ADAMTSL1: variants seen among roughly 807,000 people sequenced by gnomAD.
ADAMTSL1 encodes ADAMTS-like protein 1.
In ADAMTSL1, 126 loss-of-function variants were observed where a neutral mutation model predicts 201.8. The observed-to-expected ratio is 0.62, with a 90% CI of 0.54 to 0.72. The LOEUF is 0.72. ADAMTSL1 is among the 30% of genes least tolerant of loss of function. ADAMTSL1 has a pLI of 0.00. For synonymous variants in ADAMTSL1, 1,121 were observed against 903.4 expected (o/e 1.24, Z -4.32); for missense variants, 2,679 against 2,277.8 (o/e 1.18, Z -3.59).
chr9:18,266,583 CTATT>C (rs2132555710), intron 2 of ADAMTSL1, among the ~76,000 whole-genome samples: 1 of 152,262 alleles, frequency 6.6e-6, no homozygotes, highest in African/African-American at 2.4e-5. Context: ...ATCAAAAGTT[CTATT>C]TGTTTGTTGA....
At chr9:18,651,992 C>G (rs1319925107) in intron 7 of ADAMTSL1, among the ~76,000 whole-genome samples, 1 of 151,868 alleles carries the variant, frequency 6.6e-6, no homozygotes. Context: ...TCTTCCCTCT[C>G]CTAGCTTATA....
chr9:18,074,640 G>A (rs1823132268), intron 1 of ADAMTSL1, among the ~76,000 whole-genome samples: 1 of 151,012 alleles, frequency 6.6e-6, no homozygotes, highest in African/African-American at 2.4e-5. Context: ...ACTCAGGCTG[G>A]AGTGCAATGG....
intron 9 of ADAMTSL1, among the ~76,000 whole-genome samples, chr9:18,670,576 A>G (rs1829750569): frequency 6.6e-6 from 1 of 152,128 alleles, no homozygotes; most frequent in Non-Finnish European, 1.5e-5. Flanking sequence ...GCAGTTTGGG[A>G]GTTTCTTTCC....
At chr9:18,645,933 T>C (rs990242632) in intron 7 of ADAMTSL1, among the ~76,000 whole-genome samples, 2 of 150,212 alleles carry the variant, frequency 1.3e-5, no homozygotes, top group African/African-American at 2.5e-5. Flanking sequence ...AAGAAAGTCA[T>C]TGGTAGCTTG....
At chr9:18,180,151 C>G (rs1208514494) in intron 2 of ADAMTSL1, among the ~76,000 whole-genome samples, 1 of 152,110 alleles carries the variant, frequency 6.6e-6, no homozygotes, top group African/African-American at 2.4e-5. Flanking sequence ...CAGAGACACA[C>G]ATAGGCTCAA....
At chr9:18,757,999 C>T (rs1003624761) in intron 16 of ADAMTSL1, among the ~76,000 whole-genome samples, 1 of 152,186 alleles carries the variant, frequency 6.6e-6, no homozygotes, top group East Asian at 1.9e-4. Context: ...TCCTCACTAT[C>T]CTATGTGATA....
intron 23 of ADAMTSL1, among the ~76,000 whole-genome samples, chr9:18,836,136 A>C (rs951764276): frequency 6.6e-6 from 1 of 152,154 alleles, no homozygotes; most frequent in Non-Finnish European, 1.5e-5. Context: ...GTATAAAAGC[A>C]TTCCCTTTTC....
intron 1 of ADAMTSL1, among the ~76,000 whole-genome samples, chr9:18,138,463 T>A (rs1346551746): frequency 6.6e-6 from 1 of 152,174 alleles, no homozygotes; most frequent in Admixed American, 6.5e-5. Flanking sequence ...ACCTGCAAAT[T>A]TGCTGAATTT....
intron 1 of ADAMTSL1, among the ~76,000 whole-genome samples, chr9:17,943,709 A>G (rs1188620882): frequency 1.3e-5 from 2 of 152,094 alleles, no homozygotes; most frequent in African/African-American, 4.8e-5. Flanking sequence ...GCTATTTTAC[A>G]TTAAATTCTA....
At chr9:17,984,642 T>C (rs1818850395) in intron 1 of ADAMTSL1, among the ~76,000 whole-genome samples, 1 of 152,146 alleles carries the variant, frequency 6.6e-6, no homozygotes, top group Non-Finnish European at 1.5e-5. Flanking sequence ...GGAAACTCCT[T>C]AGTCCGAGTT....
intron 1 of ADAMTSL1, among the ~76,000 whole-genome samples, chr9:17,943,084 G>C (rs1374570735): frequency 6.6e-6 from 1 of 151,942 alleles, no homozygotes; most frequent in Non-Finnish European, 1.5e-5. Context: ...ACTATGCCAG[G>C]CTAATTTCTT....
intron 15 of ADAMTSL1, among the ~76,000 whole-genome samples, chr9:18,747,216 G>T (rs1307282125): frequency 2.0e-5 from 3 of 152,178 alleles, no homozygotes; most frequent in African/African-American, 7.2e-5. Context: ...TTTACGAGCT[G>T]TGTGACTTTG....
At chr9:18,658,220 C>G (rs1413577392) in intron 8 of ADAMTSL1, among the ~76,000 whole-genome samples, 3 of 152,164 alleles carry the variant, frequency 2.0e-5, no homozygotes, top group Non-Finnish European at 4.4e-5. Context: ...GTGATCCGCC[C>G]ACCTCGGCCT....
At chr9:18,435,028 C>T (rs1028791954) in intron 2 of ADAMTSL1, among the ~76,000 whole-genome samples, 1 of 152,164 alleles carries the variant, frequency 6.6e-6, no homozygotes, top group Non-Finnish European at 1.5e-5. Flanking sequence ...TAAATGCATG[C>T]TTTGTAACTT....
At chr9:18,819,889 C>A (rs1824104545) in intron 21 of ADAMTSL1, among the ~76,000 whole-genome samples, 1 of 152,228 alleles carries the variant, frequency 6.6e-6, no homozygotes, top group Non-Finnish European at 1.5e-5. Flanking sequence ...AGCTTAGTCT[C>A]CAGTTAAAAC....
At chr9:18,292,566 A>G (rs1449986768) in intron 2 of ADAMTSL1, among the ~76,000 whole-genome samples, 2 of 152,126 alleles carry the variant, frequency 1.3e-5, no homozygotes, top group Admixed American at 6.5e-5. Flanking sequence ...GGTGGGCACC[A>G]TCTAATCAGC....
At chr9:18,783,385 C>T (rs1369652361) in intron 19 of ADAMTSL1, among the ~76,000 whole-genome samples, 3 of 152,138 alleles carry the variant, frequency 2.0e-5, no homozygotes, top group Admixed American at 2.0e-4. Context: ...CCACATCCTC[C>T]CCTACCATTA....
intron 21 of ADAMTSL1, among the ~76,000 whole-genome samples, chr9:18,824,988 G>A (rs772853433): frequency 1.2e-4 from 19 of 152,198 alleles, no homozygotes; most frequent in Non-Finnish European, 2.2e-4. Flanking sequence ...GAGCCATCAC[G>A]CCCGGCCAGG....
In ADAMTSL1 at chr9:17,913,583, T is replaced by C. The variant is rs556569504; in HGVS notation, c.87+6661T>C. 6.9e-3 allele frequency among the ~76,000 whole-genome samples: 1,046 copies of C among 152,024 alleles called. 10 individuals are homozygous for C. Among genetic ancestry groups the C allele is most frequent in the African/African-American group, 0.024 (1,002 of 41,432 alleles). On this transcript the variant is annotated intron_variant, in intron 1 of 29. Transcript: ENST00000680146. ...AAGAGAAAGCAGGAAAGATCCAAAA[T>C]TGACACCCTAACATCACAATTAAAA...
Sources: allele counts gnomAD v4.1 joint callset (sites outside exome capture counted in the v4.1 genomes callset), GRCh38; gene constraint gnomAD v4.1.1; transcripts MANE v1.5; gene names NCBI Gene and HGNC (gene_info 2026-07-23, HGNC 2026-07-21).